Variants in KCND2 observed in about 807,000 individuals in gnomAD.
KCND2 encodes the protein potassium voltage-gated channel subfamily D member 2, also known as A-type voltage-gated potassium channel KCND2.
KCND2 carries 16 observed loss-of-function variants against 54.4 expected under a neutral mutation model. That is an observed-to-expected ratio of 0.29 (90% CI 0.20 to 0.45). The LOEUF (loss-of-function observed/expected upper bound fraction) is 0.45. Ranked by LOEUF, KCND2 falls within the 20% of genes least tolerant of loss-of-function variation. The probability of loss-of-function intolerance (pLI) is 1.00; values close to 1 mark genes in which losing one functional copy is unlikely to be tolerated. For missense variants in KCND2, 486 were observed against 824.2 expected, an observed-to-expected ratio of 0.59 and a Z score of 5.02; for synonymous variants, 317 against 310.7, an observed-to-expected ratio of 1.02 and a Z score of -0.21.
chr7:120,322,375 T>C (rs1799903616), intron 1 of KCND2, among the ~76,000 whole-genome samples: 1 of 152,054 alleles, frequency 6.6e-6, no homozygotes, highest in African/African-American at 2.4e-5. Context: ...TTCACATAGG[T>C]AGAACATCCT....
At chr7:120,565,879 AT>A (rs1215704366) in intron 1 of KCND2, among the ~76,000 whole-genome samples, 1 of 152,214 alleles carries the variant, frequency 6.6e-6, no homozygotes, top group Non-Finnish European at 1.5e-5. Flanking sequence ...GGTGAGAGTG[AT>A]TACTCAGTTT....
intron 1 of KCND2, among the ~76,000 whole-genome samples, chr7:120,399,701 C>CTTATTTATTTATTTATTTAT (rs140548387): frequency 6.7e-6 from 1 of 148,318 alleles, no homozygotes; most frequent in Non-Finnish European, 1.5e-5. Context: ...TTATTTTTAC[C>CTTATTTATTTATTTATTTAT]TTATTTATTT....
At chr7:120,520,003 T>A (rs1791667944) in intron 1 of KCND2, among the ~76,000 whole-genome samples, 1 of 152,120 alleles carries the variant, frequency 6.6e-6, no homozygotes, top group Non-Finnish European at 1.5e-5. Context: ...AATATTTGCA[T>A]GAAGAAAATA....
At chr7:120,440,593 ATTTTC>A (rs1373673104) in intron 1 of KCND2, among the ~76,000 whole-genome samples, 1 of 151,588 alleles carries the variant, frequency 6.6e-6, no homozygotes, top group Admixed American at 6.6e-5. Flanking sequence ...TTTTCTCTGT[ATTTTC>A]TTCTGTTAGT....
At chr7:120,442,071 A>G (rs541936613) in intron 1 of KCND2, among the ~76,000 whole-genome samples, 1 of 152,286 alleles carries the variant, frequency 6.6e-6, no homozygotes, top group East Asian at 1.9e-4. Context: ...CTATATTATT[A>G]CAACTCTTGC....
intron 1 of KCND2, among the ~76,000 whole-genome samples, chr7:120,568,577 T>C (rs1259643271): frequency 6.6e-6 from 1 of 152,136 alleles, no homozygotes; most frequent in Non-Finnish European, 1.5e-5. Context: ...CATGGAAATA[T>C]TGCTTCAAAG....
chr7:120,466,179 G>C (rs1313301606), intron 1 of KCND2, among the ~76,000 whole-genome samples: 1 of 152,146 alleles, frequency 6.6e-6, no homozygotes, highest in East Asian at 1.9e-4. Flanking sequence ...ACTCCTGGTT[G>C]AGAACCACTG....
intron 1 of KCND2, among the ~76,000 whole-genome samples, chr7:120,333,101 C>T (rs897072111): frequency 4.6e-5 from 7 of 152,022 alleles, no homozygotes; most frequent in Non-Finnish European, 1.0e-4. Flanking sequence ...GAATATGAGT[C>T]TGGAGAACAG....
intron 1 of KCND2, among the ~76,000 whole-genome samples, chr7:120,723,893 A>G (rs1047262693): frequency 1.3e-5 from 2 of 152,140 alleles, no homozygotes; most frequent in South Asian, 2.1e-4. Flanking sequence ...TTCTCTGAGT[A>G]TAAAAAGAGG....
At chr7:120,348,584 G>A (rs2116378736) in intron 1 of KCND2, among the ~76,000 whole-genome samples, 1 of 152,196 alleles carries the variant, frequency 6.6e-6, no homozygotes, top group South Asian at 2.1e-4. Context: ...GATACAAATA[G>A]GGATTCACAT....
intron 1 of KCND2, among the ~76,000 whole-genome samples, chr7:120,546,426 C>T (rs1792043075): frequency 6.6e-6 from 1 of 151,718 alleles, no homozygotes; most frequent in African/African-American, 2.4e-5. Context: ...ATTTCATGGC[C>T]CTATCAATAA....
At chr7:120,521,992 T>C (rs552806391) in intron 1 of KCND2, among the ~76,000 whole-genome samples, 1 of 152,272 alleles carries the variant, frequency 6.6e-6, no homozygotes, top group East Asian at 1.9e-4. Flanking sequence ...TCCAACTCTA[T>C]TACTCTCTGA....
chr7:120,593,985 AGAGGCTT>A (rs1255059196), intron 1 of KCND2, among the ~76,000 whole-genome samples: 3 of 152,190 alleles, frequency 2.0e-5, no homozygotes, highest in African/African-American at 7.2e-5. Flanking sequence ...CCAAACTGCC[AGAGGCTT>A]GGCGCTCATC....
chr7:120,388,510 A>G (rs1200420867), intron 1 of KCND2, among the ~76,000 whole-genome samples: 1 of 152,032 alleles, frequency 6.6e-6, no homozygotes, highest in East Asian at 1.9e-4. Context: ...GTGAGAGAGG[A>G]ATAAATAATA....
intron 1 of KCND2, among the ~76,000 whole-genome samples, chr7:120,446,651 A>G (rs1584782432): frequency 6.6e-6 from 1 of 152,186 alleles, no homozygotes; most frequent in African/African-American, 2.4e-5. Context: ...GCAGGATTTT[A>G]ACTACTGATT....
chr7:120,290,412 CTT>C (rs759233318), intron 1 of KCND2, among the ~76,000 whole-genome samples: 5 of 151,968 alleles, frequency 3.3e-5, no homozygotes, highest in Non-Finnish European at 7.4e-5. Flanking sequence ...CTGCAAAACT[CTT>C]TTCCAAATAC....
chr7:120,354,103 A>T (rs1383010137), intron 1 of KCND2, among the ~76,000 whole-genome samples: 1 of 152,144 alleles, frequency 6.6e-6, no homozygotes, highest in Non-Finnish European at 1.5e-5. Context: ...TGTTCAGTTG[A>T]CAAACTGAAC....
At chr7:120,610,369 T>G (rs2116485585) in intron 1 of KCND2, among the ~76,000 whole-genome samples, 1 of 152,280 alleles carries the variant, frequency 6.6e-6, no homozygotes, top group East Asian at 1.9e-4. Flanking sequence ...CCTCCATAAC[T>G]GAAAAGCTCA....
At chr7:120,300,633 A>G (rs1799572589) in intron 1 of KCND2, among the ~76,000 whole-genome samples, 1 of 152,134 alleles carries the variant, frequency 6.6e-6, no homozygotes, top group Non-Finnish European at 1.5e-5. Flanking sequence ...CGATTGATGC[A>G]TTATAAAATA....
Sources: allele counts gnomAD v4.1 joint callset (sites outside exome capture counted in the v4.1 genomes callset), GRCh38; gene constraint gnomAD v4.1.1; transcripts MANE v1.5; gene names NCBI Gene and HGNC (gene_info 2026-07-23, HGNC 2026-07-21).